Variants in GALNT13 observed in about 807,000 individuals in gnomAD.
GALNT13 encodes the protein polypeptide N-acetylgalactosaminyltransferase 13, also known as UDP-GalNAc:polypeptide N-acetylgalactosaminyltransferase 13.
Under a neutral mutation model 64.2 loss-of-function variants are expected in GALNT13, and 28 were observed. That is an observed-to-expected ratio of 0.44 (90% CI 0.32 to 0.60). The LOEUF (loss-of-function observed/expected upper bound fraction) is 0.60. Among genes scored for constraint, GALNT13 ranks in the 20% least tolerant of loss-of-function variants. GALNT13 has a pLI of 0.05. For synonymous variants in GALNT13, 214 were observed against 224.6 expected, an observed-to-expected ratio of 0.95 and a Z score of 0.42; for missense variants, 577 against 669.8, an observed-to-expected ratio of 0.86 and a Z score of 1.53.
intron 4 of GALNT13, among the ~76,000 whole-genome samples, chr2:154,180,441 A>T (rs1685892877): frequency 6.6e-6 from 1 of 152,056 alleles, no homozygotes; most frequent in African/African-American, 2.4e-5. Flanking sequence ...AAAAAAATAC[A>T]AATATTGCTG....
intron 9 of GALNT13, among the ~76,000 whole-genome samples, chr2:154,330,517 C>G (rs707023): frequency 0.77 from 117,255 of 152,116 alleles, 45,382 homozygotes; most frequent in South Asian, 0.8. Context: ...GCTGATTTCT[C>G]TTTTCTCTCT....
intron 4 of GALNT13, among the ~76,000 whole-genome samples, chr2:154,193,297 G>C (rs769417811): frequency 5.3e-5 from 8 of 152,128 alleles, no homozygotes; most frequent in Non-Finnish European, 1.0e-4. Flanking sequence ...AATGATAACT[G>C]ATATCTCTAG....
the GALNT13 span, among the ~76,000 whole-genome samples, chr2:153,523,041 C>CTGTTTTTT: frequency 4.0e-5 from 3 of 74,762 alleles, no homozygotes; most frequent in African/African-American, 2.3e-4. Flanking sequence ...TCTGTGTTTA[C>CTGTTTTTT]TATTTTTTTT....
the GALNT13 span, among the ~76,000 whole-genome samples, chr2:153,182,204 C>T: frequency 7.2e-5 from 11 of 151,900 alleles, 1 homozygote; most frequent in Non-Finnish European, 1.3e-4. Flanking sequence ...CCATCATACC[C>T]GGCTAATTTT....
chr2:153,769,357 A>G, the GALNT13 span, among the ~76,000 whole-genome samples: 3 of 152,186 alleles, frequency 2.0e-5, no homozygotes, highest in Non-Finnish European at 4.4e-5. Context: ...GTGGCAGGAT[A>G]CAAAGCTGTT....
At chr2:153,924,099 G>T (rs1200790186) in intron 2 of GALNT13, among the ~76,000 whole-genome samples, 1 of 152,052 alleles carries the variant, frequency 6.6e-6, no homozygotes, top group East Asian at 1.9e-4. Flanking sequence ...GGATGTACAG[G>T]ATTGTTACAT....
the GALNT13 span, among the ~76,000 whole-genome samples, chr2:153,466,452 T>TG: frequency 6.0e-5 from 9 of 150,662 alleles, no homozygotes; most frequent in Admixed American, 1.3e-4. Flanking sequence ...TTCTAGTTGT[T>TG]TTTTTTTTAA....
intron 4 of GALNT13, among the ~76,000 whole-genome samples, chr2:154,152,677 C>G (rs183014025): frequency 6.6e-6 from 1 of 152,102 alleles, no homozygotes; most frequent in African/African-American, 2.4e-5. Context: ...TCATTTCATT[C>G]ATTTCATCTT....
At chr2:153,361,652 A>G in the GALNT13 span, among the ~76,000 whole-genome samples, 2 of 152,064 alleles carry the variant, frequency 1.3e-5, no homozygotes, top group Non-Finnish European at 2.9e-5. Context: ...CTAAAATAAT[A>G]CAGGCAGACA....
At chr2:153,305,367 C>T in the GALNT13 span, among the ~76,000 whole-genome samples, 1 of 152,120 alleles carries the variant, frequency 6.6e-6, no homozygotes. Context: ...CAGATTTACC[C>T]ACCTTGTATT....
At chr2:154,018,576 A>G (rs1451488619) in intron 3 of GALNT13, among the ~76,000 whole-genome samples, 1 of 151,856 alleles carries the variant, frequency 6.6e-6, no homozygotes, top group African/African-American at 2.4e-5. Flanking sequence ...GGGAGAGGGA[A>G]TGATGCAAAA....
chr2:153,268,302 C>A, the GALNT13 span, among the ~76,000 whole-genome samples: 1 of 152,214 alleles, frequency 6.6e-6, no homozygotes, highest in African/African-American at 2.4e-5. Flanking sequence ...AGGCCTCATG[C>A]ATGTCAGATA....
At chr2:153,713,570 C>T in the GALNT13 span, among the ~76,000 whole-genome samples, 1 of 152,194 alleles carries the variant, frequency 6.6e-6, no homozygotes, top group Non-Finnish European at 1.5e-5. Flanking sequence ...GTAGCCTCCA[C>T]CTCCCAAGTT....
chr2:153,903,479 CT>C (rs1362879227), intron 2 of GALNT13, among the ~76,000 whole-genome samples: 28 of 152,038 alleles, frequency 1.8e-4, no homozygotes, highest in African/African-American at 6.5e-4. Flanking sequence ...TAATATACTG[CT>C]TAAGACCATG....
intron 3 of GALNT13, among the ~76,000 whole-genome samples, chr2:153,971,974 T>C (rs10205301): frequency 0.061 from 9,325 of 152,044 alleles, 594 homozygotes; most frequent in African/African-American, 0.16. Context: ...GAGGAGAGAA[T>C]GCAAAGAAGT....
At chr2:153,404,838 A>T in the GALNT13 span, among the ~76,000 whole-genome samples, 8 of 152,236 alleles carry the variant, frequency 5.3e-5, no homozygotes, top group Admixed American at 5.2e-4. Context: ...CTATAGTTGT[A>T]AAGTTGAGAA....
At chr2:154,403,099 C>T (rs950697458) in intron 10 of GALNT13, among the ~76,000 whole-genome samples, 2 of 152,040 alleles carry the variant, frequency 1.3e-5, no homozygotes, top group Non-Finnish European at 2.9e-5. Context: ...CTTCTATCTG[C>T]CCCCTAGGTG....
At chr2:154,066,993 A>C (rs1700501605) in intron 3 of GALNT13, among the ~76,000 whole-genome samples, 1 of 152,116 alleles carries the variant, frequency 6.6e-6, no homozygotes, top group Non-Finnish European at 1.5e-5. Flanking sequence ...GGTTGGAGAC[A>C]AAGTTAAAGT....
At chr2:153,696,117 G>A in the GALNT13 span, among the ~76,000 whole-genome samples, 1 of 152,162 alleles carries the variant, frequency 6.6e-6, no homozygotes, top group East Asian at 1.9e-4. Context: ...GTCAGTCCGA[G>A]TCCCAAAACT....
Sources: gnomAD v4.1 joint callset for allele counts (sites outside exome capture counted in the v4.1 genomes callset) on GRCh38, gnomAD v4.1.1 for gene constraint, MANE v1.5 for transcripts, NCBI Gene and HGNC (gene_info 2026-07-23, HGNC 2026-07-21) for gene names.